UGT1A5: variants seen among roughly 807,000 people sequenced by gnomAD.
UGT1A5 encodes UDP glucuronosyltransferase family 1 member A5, also known as UDP-glucuronosyltransferase 1A5.
A neutral mutation model predicts 40.3 loss-of-function variants in UGT1A5; 29 were observed. The ratio of observed to expected loss-of-function variants is 0.72; its 90% CI spans 0.54 to 0.98. The LOEUF (loss-of-function observed/expected upper bound fraction) is 0.98. Among genes scored for constraint, UGT1A5 ranks in the 50% least tolerant of loss-of-function variants. The pLI, the probability that UGT1A5 is intolerant of heterozygous loss-of-function variation, is 0.00. For missense variants in UGT1A5, 678 were observed against 677.9 expected, an observed-to-expected ratio of 1.00 and a Z score of 0.00; for synonymous variants, 257 against 262.5, an observed-to-expected ratio of 0.98 and a Z score of 0.20.
rs569101199 is a variant in UGT1A5, at chr2:233,772,971, C to T, written c.*412C>T. 9.8e-5 allele frequency: 30 copies of T among 306,230 alleles called. No individual in the cohort carries two copies. Among genetic ancestry groups the T allele is most frequent in the African/African-American group, 6.3e-4 (29 of 45,956 alleles). The allele number at this position is 306,230 out of a possible 1,614,324, so 19.0% of individuals were successfully genotyped here. On this transcript the variant is annotated 3_prime_UTR_variant, in exon 5 of 5. Coordinates refer to ENST00000373414, the MANE Select transcript of UGT1A5 (RefSeq NM_019078.2). ...GCAGATGGTTGCAATTGATCCTTAACCAATAATGGTCAGTCCTCATCTCTG... is the reference window on the plus strand; with the variant it reads ...GCAGATGGTTGCAATTGATCCTTAATCAATAATGGTCAGTCCTCATCTCTG...
intron 1 of UGT1A5, chr2:233,717,704 A>C (rs1330764732): frequency 1.8e-5 from 8 of 450,922 alleles, no homozygotes; most frequent in Non-Finnish European, 2.7e-5. Flanking sequence ...CTGGAGCAGG[A>C]CGAGCCTCAT....
At chr2:233,760,189 G>T in intron 1 of UGT1A5, 1 of 1,566,266 alleles carries the variant, frequency 6.4e-7, no homozygotes. Context: ...TTATAGTCAC[G>T]TGACACAGTC....
chr2:233,759,887 T>G (rs1697280307), intron 1 of UGT1A5, among the ~76,000 whole-genome samples: 1 of 152,200 alleles, frequency 6.6e-6, no homozygotes, highest in African/African-American at 2.4e-5. Flanking sequence ...GTTCTTTTCT[T>G]TCTAAAAGGC....
Position 233,772,371 on chromosome 2 carries a change from C to T in UGT1A5, c.1417C>T (p.Pro473Ser), listed in dbSNP as rs377565834. Reference sequence around the variant, plus strand: ...GTTTGTGATGAGGCACAAGGGCGCGCCACACCTGCGCCCCGCAGCCCACGA... The same window carrying T: ...GTTTGTGATGAGGCACAAGGGCGCGTCACACCTGCGCCCCGCAGCCCACGA... ...VEFVMRHKGA[P>S]HLRPAAHDLT... Residue 473 changes from proline to serine, a missense_variant, in exon 5 of 5, where the codon CCA becomes TCA. Coordinates refer to ENST00000373414, the MANE Select transcript of UGT1A5 (RefSeq NM_019078.2). 8 of 1,614,242 alleles carry T rather than the reference C, an allele frequency of 5.0e-6. No individual in the cohort carries two copies. Among genetic ancestry groups the T allele is most frequent in the Non-Finnish European group, 6.8e-6 (8 of 1,180,046 alleles).
At chr2:233,743,902 G>A (rs770691045) in intron 1 of UGT1A5, 7 of 1,366,518 alleles carry the variant, frequency 5.1e-6, no homozygotes, top group South Asian at 1.1e-5. Context: ...CCAGCACCTC[G>A]TAGTAGTCCA....
At chr2:233,729,089 G>A (rs373016756) in intron 1 of UGT1A5, 93 of 1,612,442 alleles carry the variant, frequency 5.8e-5, no homozygotes, top group Middle Eastern at 2.1e-4. Flanking sequence ...CAGGCACAGC[G>A]TGGGGTGGAC....
chr2:233,754,633 C>G (rs1196115983), intron 1 of UGT1A5: 1 of 444,794 alleles, frequency 2.2e-6, no homozygotes, highest in Non-Finnish European at 4.5e-6. Context: ...TCCACCCTTT[C>G]TTGGCCATTC....
At position 233,761,942 on chromosome 2, in the gene UGT1A5, C is replaced by T. The variant is rs912615378; in HGVS notation, c.868-5092C>T. ...CAGCCCAGGCACTTCCCAGGTGCTG[C>T]GTCTGGCTCCCATTAAGGGGACTGA... On this transcript the variant is annotated intron_variant, in intron 1 of 4. Coordinates refer to ENST00000373414, the MANE Select transcript of UGT1A5 (RefSeq NM_019078.2). Among the ~76,000 whole-genome samples the T allele has an allele frequency of 2.6e-5, 4 of 152,302 alleles. No homozygotes were observed. The South Asian group carries it at 8.3e-4, about 32-fold the overall frequency.
intron 1 of UGT1A5, among the ~76,000 whole-genome samples, chr2:233,745,792 G>A (rs1203318312): frequency 6.6e-6 from 1 of 151,102 alleles, no homozygotes; most frequent in Non-Finnish European, 1.5e-5. Context: ...AGGGGGGCTG[G>A]GGTCTATCCC....
At chr2:233,754,446 C>T in intron 1 of UGT1A5, 1 of 350,362 alleles carries the variant, frequency 2.9e-6, no homozygotes, top group Non-Finnish European at 5.6e-6. Context: ...TTTATAAATT[C>T]TTGGGTACAG....
At chr2:233,748,342 C>G (rs117379305) in intron 1 of UGT1A5, among the ~76,000 whole-genome samples, 3 of 151,616 alleles carry the variant, frequency 2.0e-5, no homozygotes, top group African/African-American at 7.3e-5. Context: ...GGAGACTGTT[C>G]GTTTGTAAAG....
chr2:233,773,279 T>G lies in UGT1A5; in HGVS notation c.*720T>G, dbSNP rs1468042895. 1 of 152,208 alleles carries G rather than the reference T, an allele frequency of 6.6e-6. No homozygotes were observed. Among genetic ancestry groups the G allele is most frequent in the African/African-American group, 2.4e-5 (1 of 41,464 alleles). 9.4% of individuals were successfully genotyped at this position (152,208 alleles called of 1,614,324 possible). On this transcript the variant is annotated 3_prime_UTR_variant, in exon 5 of 5. Transcript: ENST00000373414. ...ATGTTTCCTACAACTAAAAATAAATTAATAAATTTATATAAATTCTATTTA... is the reference window on the plus strand; with the variant it reads ...ATGTTTCCTACAACTAAAAATAAATGAATAAATTTATATAAATTCTATTTA...
At chr2:233,729,082 G>C (rs2077787378) in intron 1 of UGT1A5, 1 of 1,612,252 alleles carries the variant, frequency 6.2e-7, no homozygotes, top group Non-Finnish European at 8.5e-7. Context: ...AATGTAGCAG[G>C]CACAGCGTGG....
chr2:233,743,340 A>AGTCGAC, intron 1 of UGT1A5: 1 of 778,214 alleles, frequency 1.3e-6, no homozygotes, highest in Non-Finnish European at 2.0e-6. Flanking sequence ...TTTCAGTGGA[A>AGTCGAC]GTCGACATGG....
intron 1 of UGT1A5, among the ~76,000 whole-genome samples, chr2:233,725,759 T>G (rs1335520276): frequency 6.6e-6 from 1 of 152,194 alleles, no homozygotes; most frequent in Non-Finnish European, 1.5e-5. Context: ...GACTTACATT[T>G]TCTTCACATA....
At chr2:233,737,511 CCT>C (rs2078889208) in intron 1 of UGT1A5, among the ~76,000 whole-genome samples, 2 of 152,340 alleles carry the variant, frequency 1.3e-5, no homozygotes, top group South Asian at 4.1e-4. Flanking sequence ...TCTTGCACTT[CCT>C]AGGTGAGGCG....
intron 1 of UGT1A5, among the ~76,000 whole-genome samples, chr2:233,714,888 A>ATCTTTTTTTTTTT (rs148944858): frequency 1.3e-5 from 2 of 151,902 alleles, no homozygotes; most frequent in Admixed American, 6.6e-5. Flanking sequence ...AAATTTTTCT[A>ATCTTTTTTTTTTT]TCTTTTGAGA....
At position 233,769,266 on chromosome 2, in the gene UGT1A5, CA is replaced by C. The variant is rs1253780369; in HGVS notation, c.1307+830del. ...CTCAAATGTGGCCCTGAAAACGATT[CA>C]AAGGGCAAATGATTTCTGGATTAAA... is the stretch of plus-strand genomic sequence containing the variant. On this transcript the variant is annotated intron_variant, in intron 4 of 4. Coordinates refer to ENST00000373414, the MANE Select transcript of UGT1A5 (RefSeq NM_019078.2). The surrounding 1 kb of genome is among the most constrained non-coding windows in gnomAD (Gnocchi z 4.4). Among the ~76,000 whole-genome samples, 1 of 152,194 alleles carries C rather than the reference CA, an allele frequency of 6.6e-6. No individual in the cohort carries two copies. The highest frequency in any genetic ancestry group is 1.5e-5 in the Non-Finnish European group (1 of 68,034).
At chr2:233,747,470 G>C in intron 1 of UGT1A5, 4 of 1,608,766 alleles carry the variant, frequency 2.5e-6, no homozygotes, top group Non-Finnish European at 3.4e-6. Context: ...CATGGACCCA[G>C]GATGAATTTG....
Sources: allele counts gnomAD v4.1 joint callset (sites outside exome capture counted in the v4.1 genomes callset), GRCh38; gene constraint gnomAD v4.1.1; non-coding constraint Gnocchi (gnomAD v3.1); transcripts MANE v1.5; gene names NCBI Gene and HGNC (gene_info 2026-07-23, HGNC 2026-07-21).